Variants in ETAA1 observed in about 807,000 individuals in gnomAD.
ETAA1 encodes the protein ewing's tumor-associated antigen 1.
ETAA1 carries 49 observed loss-of-function variants against 76.8 expected under a neutral mutation model. The observed-to-expected ratio is 0.64, with a 90% CI of 0.51 to 0.81. The LOEUF (loss-of-function observed/expected upper bound fraction) is 0.81. Ranked by LOEUF, ETAA1 falls within the 30% of genes least tolerant of loss-of-function variation. The pLI, the probability that ETAA1 is intolerant of heterozygous loss-of-function variation, is 0.00. For synonymous variants in ETAA1, 373 were observed against 372.2 expected, an observed-to-expected ratio of 1.00 and a Z score of -0.03; for missense variants, 1,099 against 1,074.0, an observed-to-expected ratio of 1.02 and a Z score of -0.32.
Position 67,397,340 on chromosome 2 carries a change from A to G in ETAA1, c.-109A>G. The G allele has an allele frequency of 8.1e-7, 1 of 1,234,030 alleles. No homozygotes were observed. 76.4% of individuals were successfully genotyped at this position (1,234,030 alleles called of 1,614,324 possible). A position where few individuals can be genotyped will look rare whatever the true frequency, so the allele number is the denominator to read the frequency against. On this transcript the variant is annotated 5_prime_UTR_variant, in exon 1 of 6. Transcript: ENST00000272342. ...GCCTCTTGCGCGCGCCCCACCGACC[A>G]AAATGGCGGCTGCCGTTGGTGCGGG... is the stretch of plus-strand genomic sequence containing the variant.
Position 67,410,171 on chromosome 2 carries a change from A to G in ETAA1, c.*133A>G, listed in dbSNP as rs1676336091. On this transcript the variant is annotated 3_prime_UTR_variant, in exon 6 of 6. Coordinates refer to ENST00000272342, the MANE Select transcript of ETAA1 (RefSeq NM_019002.4). ...AAAGCCTGGACTTCTACTTTATTTA[A>G]TAAATCAATGTTTGCAATGGTAAAT... 1.3e-6 allele frequency: 1 copy of G among 793,840 alleles called. No individual in the cohort carries two copies. The highest frequency in any genetic ancestry group is 1.8e-5 in the African/African-American group (1 of 55,524). The allele number at this position is 793,840 out of a possible 1,614,324, so 49.2% of individuals were successfully genotyped here.
intron 3 of ETAA1, 172 bp from the exon 4 acceptor site, chr2:67,402,690 A>G (rs1055684500): frequency 1.5e-5 from 5 of 329,554 alleles, no homozygotes; most frequent in African/African-American, 1.1e-4. Flanking sequence ...TATTATTGCT[A>G]TCTCCCAACT....
At chr2:67,407,547 G>A (rs976269835) in intron 5 of ETAA1, among the ~76,000 whole-genome samples, 1 of 152,056 alleles carries the variant, frequency 6.6e-6, no homozygotes, top group Non-Finnish European at 1.5e-5. Context: ...ACAGTGTGGG[G>A]GTTAGAGGCG....
At position 67,406,220 on chromosome 2, in the gene ETAA1, G is replaced by C. The variant is rs116740306; in HGVS notation, c.2653+885G>C. ...TACCTACTAAGCTTCAGCTATACCA[G>C]CTATCTTTTAGTTTTTCAAACAGTG... is the stretch of plus-strand genomic sequence containing the variant. On this transcript the variant is annotated intron_variant, in intron 5 of 5. Coordinates refer to ENST00000272342, the MANE Select transcript of ETAA1 (RefSeq NM_019002.4). Among the ~76,000 whole-genome samples the C allele has an allele frequency of 7.8e-3, 1,193 of 152,130 alleles. 21 individuals are homozygous for C. Among genetic ancestry groups the C allele is most frequent in the African/African-American group, 0.027 (1,139 of 41,514 alleles).
chr2:67,400,285 G>C (rs902126632), intron 3 of ETAA1: 1 of 152,064 alleles, frequency 6.6e-6, no homozygotes, highest in Non-Finnish European at 1.5e-5. Flanking sequence ...GTAAGGTTAC[G>C]TTAAGGTTGT....
At position 67,410,712 on chromosome 2, in the gene ETAA1, G is replaced by C. The variant is rs1676349869; in HGVS notation, c.*674G>C. ...AGTAATGTGGCATCATTAACATTTAGAACTGGCAGAAACTTCATATGTCAT... is the reference window on the plus strand; with the variant it reads ...AGTAATGTGGCATCATTAACATTTACAACTGGCAGAAACTTCATATGTCAT... On this transcript the variant is annotated 3_prime_UTR_variant, in exon 6 of 6. Transcript: ENST00000272342. The C allele has an allele frequency of 6.6e-6, 1 of 152,052 alleles. No homozygotes were observed. The highest frequency in any genetic ancestry group is 1.5e-5 in the Non-Finnish European group (1 of 67,964). The allele number at this position is 152,052 out of a possible 1,614,324, so 9.4% of individuals were successfully genotyped here.
Position 67,404,930 on chromosome 2 carries a change from C to T in ETAA1, c.2248C>T (p.Leu750=), listed in dbSNP as rs766780800. 6.2e-7 allele frequency: 1 copy of T among 1,613,070 alleles called. No homozygotes were observed. The highest frequency in any genetic ancestry group is 2.2e-5 in the East Asian group (1 of 44,820). ...SKISNCQINN[L]HVSYTNTDVP... ...GATCTCAAACTGTCAGATAAATAAT[C>T]TGCATGTGTCTTATACTAACACTGA... is the stretch of plus-strand genomic sequence containing the variant. The change falls in exon 5 of 6, where the codon CTG becomes TTG. Residue 750 remains leucine (L), a synonymous_variant. Coordinates refer to ENST00000272342, the MANE Select transcript of ETAA1 (RefSeq NM_019002.4).
chr2:67,402,423 CAG>C (rs1676080757), intron 3 of ETAA1: 1 of 151,840 alleles, frequency 6.6e-6, no homozygotes, highest in Non-Finnish European at 1.5e-5. Flanking sequence ...TTTGGAGAAA[CAG>C]ATGATACAGA....
At chr2:67,398,587 C>T (rs1168315415) in intron 1 of ETAA1, among the ~76,000 whole-genome samples, 3 of 152,062 alleles carry the variant, frequency 2.0e-5, no homozygotes, top group South Asian at 2.1e-4. Flanking sequence ...CCACCCGCCT[C>T]GGCCTCCCAA....
chr2:67,402,294 C>T (rs1367245580), intron 3 of ETAA1: 1 of 151,826 alleles, frequency 6.6e-6, no homozygotes, highest in Non-Finnish European at 1.5e-5. Flanking sequence ...TTCTTAGCAT[C>T]AGTTCTAACC....
chr2:67,405,461 GAATT>G (rs1244417185), intron 5 of ETAA1, 126 bp downstream of exon 5: 3 of 621,406 alleles, frequency 4.8e-6, no homozygotes, highest in Non-Finnish European at 7.9e-6. Context: ...TTAATTTTAA[GAATT>G]AACTAGAATT....
chr2:67,407,529 A>C (rs924509644), intron 5 of ETAA1, among the ~76,000 whole-genome samples: 3 of 152,214 alleles, frequency 2.0e-5, no homozygotes, highest in Admixed American at 6.6e-5. Flanking sequence ...GATAGAGTTG[A>C]CCCTTGAACA....
intron 2 of ETAA1, 103 bp from the exon 3 acceptor site, chr2:67,399,447 T>C: frequency 1.8e-6 from 2 of 1,142,026 alleles, no homozygotes; most frequent in Non-Finnish European, 2.5e-6. Flanking sequence ...CACATAATCC[T>C]CTAAGCTGCA....
intron 5 of ETAA1, among the ~76,000 whole-genome samples, 194 bp downstream of exon 5, chr2:67,405,529 A>G (rs543014896): frequency 2.6e-5 from 4 of 152,082 alleles, no homozygotes; most frequent in African/African-American, 9.6e-5. Context: ...TAGTTGGTTT[A>G]TTTTTCAAAA....
chr2:67,404,599 C>T lies in ETAA1; in HGVS notation c.1917C>T (p.Ile639=). 6.2e-7 allele frequency: 1 copy of T among 1,613,182 alleles called. No individual in the cohort carries two copies. ...AGACATCAGAAAGTATATGTGAGATCAATAATAATTCCGAACATGGAGCCA... is the reference window on the plus strand; with the variant it reads ...AGACATCAGAAAGTATATGTGAGATTAATAATAATTCCGAACATGGAGCCA... The part of the protein sequence containing the change: ...DSKTSESICE[I]NNNSEHGAKL... Residue 639 remains isoleucine, a synonymous_variant, in exon 5 of 6, where the codon ATC becomes ATT. Transcript: ENST00000272342.
chr2:67,398,713 C>T (rs543514782), intron 1 of ETAA1, among the ~76,000 whole-genome samples: 242 of 152,172 alleles, frequency 1.6e-3, no homozygotes, highest in Middle Eastern at 3.4e-3. Flanking sequence ...TGATTCTAGA[C>T]AAAAATTCCC....
intron 1 of ETAA1, among the ~76,000 whole-genome samples, chr2:67,398,033 A>G (rs1010399557): frequency 1.3e-5 from 2 of 152,128 alleles, no homozygotes; most frequent in Admixed American, 1.3e-4. Flanking sequence ...CGGAGAAGTT[A>G]TTTCTCTTTA....
Position 67,404,646 on chromosome 2 carries a change from T to C in ETAA1, c.1964T>C (p.Ile655Thr). 1.2e-6 allele frequency: 2 copies of C among 1,611,894 alleles called. No homozygotes were observed. Among genetic ancestry groups the C allele is most frequent in the Non-Finnish European group, 1.7e-6 (2 of 1,179,182 alleles). Residue 655 changes from isoleucine (I) to threonine (T), a missense_variant, in exon 5 of 6, where the codon ATT (isoleucine) becomes ACT (threonine). This residue lies in a region of ETAA1 where 36 missense variants were observed against 64.0 expected (regional missense o/e 0.56). Transcript: ENST00000272342. ...HGAKLTQQQD[I>T]RKDSKTSESI... is the part of the protein sequence containing the mutation. Reference sequence around the variant, plus strand: ...GCCAAACTAACTCAGCAACAAGACATTAGAAAGGACAGTAAGACATCAGAA... The same window carrying C: ...GCCAAACTAACTCAGCAACAAGACACTAGAAAGGACAGTAAGACATCAGAA...
Position 67,405,400 on chromosome 2 carries a change from T to A in ETAA1, c.2653+65T>A, listed in dbSNP as rs768912420. 376 of 1,312,028 alleles carry A rather than the reference T, an allele frequency of 2.9e-4. 1 individual carries two copies. Among genetic ancestry groups the A allele is most frequent in the Middle Eastern group, 7.9e-4 (3 of 3,790 alleles). 81.3% of individuals were successfully genotyped at this position (1,312,028 alleles called of 1,614,324 possible). On this transcript the variant is annotated intron_variant, in intron 5 of 5. Transcript: ENST00000272342. ...CTTAAAAAGTAGTAAAATAATTATTTGTTGTTTTTGAGTGTGAGTAATGTA... is the reference window on the plus strand; with the variant it reads ...CTTAAAAAGTAGTAAAATAATTATTAGTTGTTTTTGAGTGTGAGTAATGTA...
Sources: gnomAD v4.1 joint callset for allele counts (sites outside exome capture counted in the v4.1 genomes callset) on GRCh38, gnomAD v4.1.1 for gene constraint, gnomAD v4.1.1 regional missense constraint, MANE v1.5 for transcripts, NCBI Gene and HGNC (gene_info 2026-07-23, HGNC 2026-07-21) for gene names.